Variants in ZG16 observed in about 807,000 individuals in gnomAD.
ZG16 encodes the protein zymogen granule protein 16, also known as zymogen granule membrane protein 16.
In ZG16, 9 loss-of-function variants were observed where a neutral mutation model predicts 15.6. That is an observed-to-expected ratio of 0.58 (90% CI 0.35 to 1.00). The LOEUF (loss-of-function observed/expected upper bound fraction) is 1.00, where lower values mean the gene tolerates loss of function less well. Ranked by LOEUF, ZG16 falls within the 50% of genes least tolerant of loss-of-function variation. The pLI is 0.02. For missense variants in ZG16, 174 were observed against 214.8 expected, an observed-to-expected ratio of 0.81 and a Z score of 1.19; for synonymous variants, 89 against 87.4, an observed-to-expected ratio of 1.02 and a Z score of -0.10.
Position 29,782,814 on chromosome 16 carries a change from G to A in ZG16, c.*2395G>A, listed in dbSNP as rs1416006817. 1.3e-5 allele frequency: 2 copies of A among 152,766 alleles called. No individual in the cohort carries two copies. The highest frequency in any genetic ancestry group is 3.7e-4 in the South Asian group (2 of 5,378). 9.5% of individuals were successfully genotyped at this position (152,766 alleles called of 1,614,324 possible). A position where few individuals can be genotyped will look rare whatever the true frequency, so the allele number is the denominator to read the frequency against. On this transcript the variant is annotated 3_prime_UTR_variant, in exon 4 of 4. Coordinates refer to ENST00000400752, the MANE Select transcript of ZG16 (RefSeq NM_152338.4). ...GGAGGGACTGGCTGGAGCCACAGCT[G>A]AGGAACATAAATTGTGAAGATTTCA...
Position 29,780,115 on chromosome 16 carries a change from G to A in ZG16, c.200G>A (p.Arg67His), listed in dbSNP as rs375514044. The change falls in exon 4 of 4, where the codon CGC becomes CAC. Residue 67 changes from arginine (R) to histidine (H), a missense_variant. Transcript: ENST00000400752. ...NTYYIVGLQV[R>H]YGKVWSDYVG... ...CCCCTCTTCCTCAGTCTTCAGGTGC[G>A]CTATGGCAAGGTGTGGAGCGACTAT... The A allele has an allele frequency of 2.0e-4, 306 of 1,536,224 alleles. No individual in the cohort carries two copies. The highest frequency in any genetic ancestry group is 2.6e-4 in the Non-Finnish European group (294 of 1,146,212).
rs1322061088 is a variant in ZG16, at chr16:29,780,917, C to T, written c.*498C>T. ...TTGTTCTTTCCCAGAACCCACCTGACTCCTGAAACTTAGCTGAAGTCTGTG... is the reference window on the plus strand; with the variant it reads ...TTGTTCTTTCCCAGAACCCACCTGATTCCTGAAACTTAGCTGAAGTCTGTG... On this transcript the variant is annotated 3_prime_UTR_variant, in exon 4 of 4. Transcript: ENST00000400752. The T allele has an allele frequency of 6.5e-6, 1 of 153,478 alleles. No individual in the cohort carries two copies. The highest frequency in any genetic ancestry group is 2.4e-5 in the African/African-American group (1 of 41,476). 9.5% of individuals were successfully genotyped at this position (153,478 alleles called of 1,614,324 possible). A position where few individuals can be genotyped will look rare whatever the true frequency, so the allele number is the denominator to read the frequency against.
chr16:29,778,393 G>A (rs1302796638), intron 1 of ZG16, 87 bp downstream of exon 1: 2 of 152,332 alleles, frequency 1.3e-5, no homozygotes, highest in South Asian at 2.1e-4. Flanking sequence ...GGAATGGCAG[G>A]AAAGACTTGA....
chr16:29,778,527 A>G (rs1898582155), intron 1 of ZG16, among the ~76,000 whole-genome samples: 1 of 24,116 alleles, frequency 4.1e-5, no homozygotes, highest in Non-Finnish European at 4.2e-3. Context: ...GTTAGTGGAG[A>G]AAAGAATAGT....
rs755652310 is a variant in ZG16 at position 29,780,379 on chromosome 16, T to C, written c.464T>C (p.Leu155Pro). 1 of 1,536,198 alleles carries C rather than the reference T, an allele frequency of 6.5e-7. No homozygotes were observed. Among genetic ancestry groups the C allele is most frequent in the South Asian group, 1.2e-5 (1 of 84,046 alleles). ...RSGSLIDAIG[L>P]HWDVYPSSCS... ...GGTTCTCTCATCGATGCCATTGGCC[T>C]GCACTGGGATGTTTACCCCAGTAGC... Residue 155 changes from leucine to proline, a missense_variant, in exon 4 of 4, where the codon CTG becomes CCG. Leu to Pro is a moderately conservative substitution (Grantham distance 98). Transcript: ENST00000400752.
At chr16:29,778,515 G>C (rs1898582021) in intron 1 of ZG16, among the ~76,000 whole-genome samples, 1 of 77,230 alleles carries the variant, frequency 1.3e-5, no homozygotes, top group Non-Finnish European at 3.1e-5. Context: ...GGCCAGATGT[G>C]TGTTAGTGGA....
Position 29,780,289 on chromosome 16 carries a change from G to T in ZG16, c.374G>T (p.Gly125Val). ...TATCTGTCTTTTGGGAAAGACAGTG[G>T]CACAAGTTTCAATGCCGTCCCCTTG... is the stretch of plus-strand genomic sequence containing the variant. The part of the protein sequence containing the change: ...GRYLSFGKDS[G>V]TSFNAVPLHP... Residue 125 changes from glycine (G) to valine (V), a missense_variant, in exon 4 of 4, where the codon GGC becomes GTC. By Grantham distance (109) the Gly-to-Val change is moderately radical. Transcript: ENST00000400752. 1 of 1,537,422 alleles carries T rather than the reference G, an allele frequency of 6.5e-7. No individual in the cohort carries two copies. The highest frequency in any genetic ancestry group is 8.7e-7 in the Non-Finnish European group (1 of 1,146,958).
In ZG16 at chr16:29,780,118, A is replaced by G. The variant is rs1898605696; in HGVS notation, c.203A>G (p.Tyr68Cys). 6.5e-7 allele frequency: 1 copy of G among 1,536,296 alleles called. No individual in the cohort carries two copies. The highest frequency in any genetic ancestry group is 1.4e-5 in the African/African-American group (1 of 72,912). The change falls in exon 4 of 4, where the codon TAT becomes TGT. Residue 68 changes from tyrosine (Y) to cysteine (C), a missense_variant. By Grantham distance (194) the Tyr-to-Cys change is radical (BLOSUM62 -2). Transcript: ENST00000400752. ...TYYIVGLQVR[Y>C]GKVWSDYVGG... The stretch of plus-strand genomic sequence containing the variant: ...CTCTTCCTCAGTCTTCAGGTGCGCT[A>G]TGGCAAGGTGTGGAGCGACTATGTG...
chr16:29,779,358 G>A lies in ZG16; in HGVS notation c.55+37G>A, dbSNP rs1239327318. 4 of 1,536,750 alleles carry A rather than the reference G, an allele frequency of 2.6e-6. No homozygotes were observed. In the Admixed American group the frequency reaches 7.8e-5, roughly 30 times the overall value. On this transcript the variant is annotated intron_variant, in intron 2 of 3. Transcript: ENST00000400752. Reference sequence around the variant, plus strand: ...ACCAGGAGCCTGGTATTGGGGACTTGGGAAGGCAGCCTTGGGCACTGCTGT... The same window carrying A: ...ACCAGGAGCCTGGTATTGGGGACTTAGGAAGGCAGCCTTGGGCACTGCTGT...
intron 3 of ZG16, among the ~76,000 whole-genome samples, 158 bp downstream of exon 3, chr16:29,779,795 G>A (rs1898602191): frequency 6.6e-6 from 1 of 152,120 alleles, no homozygotes. Flanking sequence ...CAGGTACCAA[G>A]ACCCCATCTC....
chr16:29,779,202 C>T, intron 1 of ZG16, 58 bp from the exon 2 acceptor site: 1 of 1,516,436 alleles, frequency 6.6e-7, no homozygotes, highest in Middle Eastern at 1.7e-4. Context: ...GTGCCTGGGT[C>T]AATCAAGTCA....
Position 29,780,656 on chromosome 16 carries a change from C to G in ZG16, c.*237C>G. 4.0e-6 allele frequency: 2 copies of G among 505,388 alleles called. No individual in the cohort carries two copies. The highest frequency in any genetic ancestry group is 7.0e-6 in the Non-Finnish European group (2 of 285,354). 31.3% of individuals were successfully genotyped at this position (505,388 alleles called of 1,614,324 possible). On this transcript the variant is annotated 3_prime_UTR_variant, in exon 4 of 4. Coordinates refer to ENST00000400752, the MANE Select transcript of ZG16 (RefSeq NM_152338.4). Reference sequence around the variant, plus strand: ...GGGAGAGGTATGTAAGAATCCTGGGCTTTGTGCTATAATTTATCAAGAGGA... The same window carrying G: ...GGGAGAGGTATGTAAGAATCCTGGGGTTTGTGCTATAATTTATCAAGAGGA...
rs768079528 is a variant in ZG16, at chr16:29,779,278, C to T, written c.12C>T (p.Val4=). MLT[V]ALLALLCASA... Reference sequence around the variant, plus strand: ...ACTCCAGCCCCAGAATGTTGACAGTCGCTCTCCTAGCCCTTCTCTGTGCCT... The same window carrying T: ...ACTCCAGCCCCAGAATGTTGACAGTTGCTCTCCTAGCCCTTCTCTGTGCCT... Residue 4 remains valine, a synonymous_variant, in exon 2 of 4, where the codon GTC becomes GTT. Transcript: ENST00000400752. 44 of 1,537,638 alleles carry T rather than the reference C, an allele frequency of 2.9e-5. No individual in the cohort carries two copies. Among genetic ancestry groups the T allele is most frequent in the South Asian group, 2.4e-5 (2 of 84,052 alleles).
chr16:29,780,623 G>T lies in ZG16; in HGVS notation c.*204G>T, dbSNP rs188725786. On this transcript the variant is annotated 3_prime_UTR_variant, in exon 4 of 4. Coordinates refer to ENST00000400752, the MANE Select transcript of ZG16 (RefSeq NM_152338.4). ...CTTTGGACATCTGTCTGGAAGATGG[G>T]AAGATGAGGGAGAGGTATGTAAGAA... is the stretch of plus-strand genomic sequence containing the variant. 444 of 561,500 alleles carry T rather than the reference G, an allele frequency of 7.9e-4. 1 individual carries two copies. The highest frequency in any genetic ancestry group is 1.2e-3 in the Non-Finnish European group (376 of 318,488). The allele number at this position is 561,500 out of a possible 1,614,324, so 34.8% of individuals were successfully genotyped here. A position where few individuals can be genotyped will look rare whatever the true frequency, so the allele number is the denominator to read the frequency against.
In ZG16 at chr16:29,782,476, A is replaced by G. The variant is rs1262767289; in HGVS notation, c.*2057A>G. 6.6e-6 allele frequency: 1 copy of G among 152,176 alleles called. No homozygotes were observed. Among genetic ancestry groups the G allele is most frequent in the Non-Finnish European group, 1.5e-5 (1 of 68,032 alleles). 9.4% of individuals were successfully genotyped at this position (152,176 alleles called of 1,614,324 possible). ...TCATGTGCAGTGGGACTGGCAAGAA[A>G]TCTGTCATCCCTGTTACCACTTTGA... On this transcript the variant is annotated 3_prime_UTR_variant, in exon 4 of 4. Coordinates refer to ENST00000400752, the MANE Select transcript of ZG16 (RefSeq NM_152338.4).
In ZG16 at chr16:29,780,494, CA is replaced by C; in HGVS notation, c.*77del. 8.3e-7 allele frequency: 1 copy of C among 1,205,108 alleles called. No homozygotes were observed. The highest frequency in any genetic ancestry group is 1.6e-5 in the South Asian group (1 of 61,254). 74.7% of individuals were successfully genotyped at this position (1,205,108 alleles called of 1,614,324 possible). A position where few individuals can be genotyped will look rare whatever the true frequency, so the allele number is the denominator to read the frequency against. ...ATCACTAACCCCCATCCAAATGGCT[CA>C]ATAAAAAAAATATGGTTAAGGCTAG... On this transcript the variant is annotated 3_prime_UTR_variant, in exon 4 of 4. Transcript: ENST00000400752.
At chr16:29,779,174 C>G in intron 1 of ZG16, 86 bp from the exon 2 acceptor site, 2 of 1,355,090 alleles carry the variant, frequency 1.5e-6, no homozygotes, top group East Asian at 2.5e-5. Context: ...AAGGCTTGGT[C>G]TGAGCTGCAG....
In ZG16 at chr16:29,780,242, A is replaced by G; in HGVS notation, c.327A>G (p.Val109=). The G allele has an allele frequency of 1.3e-6, 2 of 1,537,504 alleles. No individual in the cohort carries two copies. Among genetic ancestry groups the G allele is most frequent in the Non-Finnish European group, 1.7e-6 (2 of 1,146,962 alleles). The change falls in exon 4 of 4, where the codon GTA becomes GTG. Residue 109 remains valine, a synonymous_variant. Coordinates refer to ENST00000400752, the MANE Select transcript of ZG16 (RefSeq NM_152338.4). ...ACAAGTGGTACCTGAAGAAGCTGGT[A>G]TTTGTGACAGACAAGGGCCGCTATC... ...GKYKWYLKKL[V]FVTDKGRYLS... is the part of the protein sequence containing the mutation.
rs1338726063 is a variant in ZG16 at position 29,780,734 on chromosome 16, T to G, written c.*315T>G. 3.5e-6 allele frequency: 1 copy of G among 281,794 alleles called. No individual in the cohort carries two copies. Among genetic ancestry groups the G allele is most frequent in the African/African-American group, 2.2e-5 (1 of 45,380 alleles). 17.5% of individuals were successfully genotyped at this position (281,794 alleles called of 1,614,324 possible). A position where few individuals can be genotyped will look rare whatever the true frequency, so the allele number is the denominator to read the frequency against. On this transcript the variant is annotated 3_prime_UTR_variant, in exon 4 of 4. Coordinates refer to ENST00000400752, the MANE Select transcript of ZG16 (RefSeq NM_152338.4). ...CTTCAAGGACAGCTCCTTGGAACATTGATCCAAACTGGAGTCATGGGTCTG... is the reference window on the plus strand; with the variant it reads ...CTTCAAGGACAGCTCCTTGGAACATGGATCCAAACTGGAGTCATGGGTCTG...
Sources: gnomAD v4.1 joint callset for allele counts (sites outside exome capture counted in the v4.1 genomes callset) on GRCh38, gnomAD v4.1.1 for gene constraint, MANE v1.5 for transcripts, NCBI Gene and HGNC (gene_info 2026-07-23, HGNC 2026-07-21) for gene names.